The following FBXW7 variants were observed in gnomAD, a reference collection of about 807,000 sequenced individuals.
The protein encoded by FBXW7 is F-box and WD repeat domain containing 7, also known as F-box/WD repeat-containing protein 7.
Under a neutral mutation model 86.3 loss-of-function variants are expected in FBXW7, and 11 were observed. The observed-to-expected ratio is 0.13, with a 90% CI of 0.08 to 0.21. The LOEUF (loss-of-function observed/expected upper bound fraction) is 0.21. Ranked by LOEUF, FBXW7 falls within the 10% of genes least tolerant of loss-of-function variation. FBXW7 has a pLI of 1.00. For missense variants in FBXW7, 488 were observed against 847.4 expected, an observed-to-expected ratio of 0.58 and a Z score of 5.27; for synonymous variants, 313 against 297.9, an observed-to-expected ratio of 1.05 and a Z score of -0.52.
chr4:152,485,861 T>C (rs1241891057), intron 2 of FBXW7, among the ~76,000 whole-genome samples: 1 of 152,164 alleles, frequency 6.6e-6, no homozygotes, highest in East Asian at 1.9e-4. Flanking sequence ...ATTTTAACAA[T>C]TTGAGTCACC....
At chr4:152,360,433 G>A (rs1395805615) in intron 4 of FBXW7, among the ~76,000 whole-genome samples, 1 of 152,098 alleles carries the variant, frequency 6.6e-6, no homozygotes, top group African/African-American at 2.4e-5. Context: ...AAAACAATCC[G>A]AAAAGTTACT....
intron 4 of FBXW7, among the ~76,000 whole-genome samples, chr4:152,354,227 TA>T (rs200077326): frequency 7.9e-5 from 12 of 151,944 alleles, no homozygotes; most frequent in African/African-American, 2.9e-4. Flanking sequence ...TACTTATCTT[TA>T]AAAAAAATCT....
At chr4:152,516,086 C>T (rs1309658649) in intron 2 of FBXW7, among the ~76,000 whole-genome samples, 1 of 152,178 alleles carries the variant, frequency 6.6e-6, no homozygotes, top group Non-Finnish European at 1.5e-5. Context: ...AGATAGGAGC[C>T]CCGGCTGATT....
chr4:152,460,177 T>C (rs1291900032), intron 2 of FBXW7, among the ~76,000 whole-genome samples: 1 of 152,230 alleles, frequency 6.6e-6, no homozygotes, highest in Non-Finnish European at 1.5e-5. Flanking sequence ...AAACCTATTA[T>C]ACATTACTAA....
chr4:152,528,994 C>G (rs1340713315), intron 2 of FBXW7, among the ~76,000 whole-genome samples: 1 of 151,798 alleles, frequency 6.6e-6, no homozygotes, highest in Non-Finnish European at 1.5e-5. Context: ...GGGGGAAAGT[C>G]TAAGAACAGG....
intron 2 of FBXW7, among the ~76,000 whole-genome samples, chr4:152,435,296 A>G (rs1052135687): frequency 1.3e-5 from 2 of 152,140 alleles, no homozygotes; most frequent in East Asian, 3.8e-4. Context: ...CTTTATTTTC[A>G]TTCCTTTAAC....
intron 2 of FBXW7, among the ~76,000 whole-genome samples, chr4:152,424,850 T>C (rs1485094832): frequency 6.6e-6 from 1 of 152,196 alleles, no homozygotes; most frequent in East Asian, 1.9e-4. Context: ...CTAGGCAAAT[T>C]AAGACTTCTT....
intron 2 of FBXW7, among the ~76,000 whole-genome samples, chr4:152,483,474 T>C (rs956046886): frequency 4.0e-5 from 6 of 150,134 alleles, no homozygotes; most frequent in Admixed American, 6.6e-5. Context: ...GAGGCTGAGG[T>C]GAAGGATCAC....
At chr4:152,459,002 T>C (rs1252351522) in intron 2 of FBXW7, among the ~76,000 whole-genome samples, 3 of 152,168 alleles carry the variant, frequency 2.0e-5, no homozygotes, top group Non-Finnish European at 4.4e-5. Context: ...GTTCCCCAAC[T>C]GATATAACTT....
chr4:152,340,310 G>A (rs1408967888), intron 6 of FBXW7, among the ~76,000 whole-genome samples: 1 of 152,206 alleles, frequency 6.6e-6, no homozygotes, highest in South Asian at 2.1e-4. Context: ...CGGTGCAGTG[G>A]CTCATGCCTG....
At chr4:152,406,362 C>T (rs966261230) in intron 4 of FBXW7, among the ~76,000 whole-genome samples, 5 of 152,074 alleles carry the variant, frequency 3.3e-5, no homozygotes, top group African/African-American at 9.7e-5. Context: ...ACAGGAGGAT[C>T]TCTTATGCCC....
chr4:152,329,296 T>A (rs1367715696), intron 10 of FBXW7, among the ~76,000 whole-genome samples: 3 of 151,764 alleles, frequency 2.0e-5, no homozygotes, highest in Non-Finnish European at 4.4e-5. Flanking sequence ...TAAGGAAAAA[T>A]AAATATCCCT....
At chr4:152,446,638 C>T (rs1436503436) in intron 2 of FBXW7, among the ~76,000 whole-genome samples, 3 of 152,208 alleles carry the variant, frequency 2.0e-5, no homozygotes, top group Admixed American at 6.5e-5. Context: ...TAGAACTTCA[C>T]GCTGCCCATT....
At chr4:152,360,729 A>C (rs1732854519) in intron 4 of FBXW7, among the ~76,000 whole-genome samples, 1 of 152,004 alleles carries the variant, frequency 6.6e-6, no homozygotes, top group Non-Finnish European at 1.5e-5. Flanking sequence ...AGATTCGATA[A>C]CACAATATAA....
At chr4:152,446,047 T>C (rs750657745) in intron 2 of FBXW7, among the ~76,000 whole-genome samples, 27 of 150,648 alleles carry the variant, frequency 1.8e-4, no homozygotes, top group African/African-American at 3.6e-4. Context: ...GCTTATCTAA[T>C]AGGCCATACA....
At chr4:152,370,618 T>A (rs1259673172) in intron 4 of FBXW7, among the ~76,000 whole-genome samples, 1 of 151,972 alleles carries the variant, frequency 6.6e-6, no homozygotes. Context: ...TTTAGCATTA[T>A]CTACACTTGG....
intron 2 of FBXW7, among the ~76,000 whole-genome samples, chr4:152,417,533 C>T (rs1738549008): frequency 6.6e-6 from 1 of 152,040 alleles, no homozygotes; most frequent in Admixed American, 6.6e-5. Flanking sequence ...GGAACAGAGG[C>T]AGACCAACAA....
intron 4 of FBXW7, among the ~76,000 whole-genome samples, chr4:152,358,083 A>T (rs1732570761): frequency 6.6e-6 from 1 of 152,182 alleles, no homozygotes; most frequent in Non-Finnish European, 1.5e-5. Context: ...TCCAAAATAA[A>T]CTACCAATAA....
intron 2 of FBXW7, among the ~76,000 whole-genome samples, chr4:152,449,810 T>C (rs1461731080): frequency 6.6e-6 from 1 of 152,246 alleles, no homozygotes; most frequent in East Asian, 1.9e-4. Context: ...ATGTAATTAA[T>C]CCACATTACA....
Sources: allele counts gnomAD v4.1 joint callset (sites outside exome capture counted in the v4.1 genomes callset), GRCh38; gene constraint gnomAD v4.1.1; transcripts MANE v1.5; gene names NCBI Gene and HGNC (gene_info 2026-07-23, HGNC 2026-07-21).